Variants in RALGDS observed in about 807,000 individuals in gnomAD.
RALGDS encodes the protein ral guanine nucleotide exchange factor.
A neutral mutation model predicts 99.8 loss-of-function variants in RALGDS; 44 were observed. That is an observed-to-expected ratio of 0.44 (90% CI 0.35 to 0.57). The LOEUF (loss-of-function observed/expected upper bound fraction) is 0.57, where lower values mean the gene tolerates loss of function less well. Ranked by LOEUF, RALGDS falls within the 20% of genes least tolerant of loss-of-function variation. The pLI is 0.01. For synonymous variants in RALGDS, 529 were observed against 505.0 expected, an observed-to-expected ratio of 1.05 and a Z score of -0.64; for missense variants, 1,022 against 1,203.1, an observed-to-expected ratio of 0.85 and a Z score of 2.23.
intron 1 of RALGDS, among the ~76,000 whole-genome samples, chr9:133,148,375 G>A (rs1003513065): frequency 9.2e-5 from 14 of 152,116 alleles, no homozygotes; most frequent in African/African-American, 3.4e-4. Flanking sequence ...GAGAATCCCC[G>A]CCCATCAAGC....
Position 133,120,947 on chromosome 9 carries a change from C to T in RALGDS, c.183+25G>A, listed in dbSNP as rs1027187737. 2.1e-5 allele frequency: 31 copies of T among 1,473,574 alleles called. No homozygotes were observed. The East Asian group carries it at 3.2e-4, about 15-fold the overall frequency. The allele number at this position is 1,473,574 out of a possible 1,614,324, so 91.3% of individuals were successfully genotyped here. The stretch of plus-strand genomic sequence containing the variant: ...GGTGGGGAGGCTCCGACGCACCCCC[C>T]GCCCGACCGCCCCAGCTCACCCACC... On this transcript the variant is annotated intron_variant, in intron 1 of 17. Transcript: ENST00000372050.
At chr9:133,113,228 C>T (rs909833073) in intron 1 of RALGDS, among the ~76,000 whole-genome samples, 2 of 152,280 alleles carry the variant, frequency 1.3e-5, no homozygotes, top group East Asian at 3.9e-4. Context: ...CCAGTCAGTG[C>T]CCCAGCCCAG....
In RALGDS at chr9:133,144,537, G is replaced by A. The variant is rs963046940; in HGVS notation, c.18+4426C>T. The stretch of plus-strand genomic sequence containing the variant: ...CGCAAGCTCCTCGCGACCCGAAAGC[G>A]AGACCTTTGTCTGCGGCAGCTCCGC... On this transcript the variant is annotated intron_variant, in intron 1 of 17. Transcript: ENST00000393160. This position sits in a 1 kb window ranked among gnomAD's most constrained non-coding sequence, Gnocchi z 4.5. Among the ~76,000 whole-genome samples the A allele has an allele frequency of 1.3e-5, 2 of 152,220 alleles. No homozygotes were observed. The highest frequency in any genetic ancestry group is 2.9e-5 in the Non-Finnish European group (2 of 68,034).
intron 1 of RALGDS, among the ~76,000 whole-genome samples, chr9:133,118,294 G>A (rs1228906487): frequency 2.0e-5 from 3 of 152,198 alleles, no homozygotes; most frequent in East Asian, 3.9e-4. Flanking sequence ...GGATTAAACC[G>A]AAGACCTGCA....
At chr9:133,105,805 TGCCACCGCCCGCCGCCCCA>T (rs1399908352) in intron 9 of RALGDS, 108 bp downstream of exon 9, 1 of 778,184 alleles carries the variant, frequency 1.3e-6, no homozygotes, top group Non-Finnish European at 1.9e-6. Flanking sequence ...AAGAAGCGAA[TGCCACCGCCCGCCGCCCCA>T]GCCCCCGCCC....
chr9:133,121,221 G>A lies in RALGDS; in HGVS notation c.-67C>T, dbSNP rs739405. On this transcript the variant is annotated 5_prime_UTR_variant, in exon 1 of 18. Transcript: ENST00000372050. Reference sequence around the variant, plus strand: ...GCGGGGGCGGCGGCGCGGCCCGCGCGGCTGGGCTTTGCCACCGCTGTGAGC... The same window carrying A: ...GCGGGGGCGGCGGCGCGGCCCGCGCAGCTGGGCTTTGCCACCGCTGTGAGC... The A allele has an allele frequency of 5.1e-6, 5 of 977,836 alleles. No individual in the cohort carries two copies. The Admixed American group carries it at 1.9e-4, about 37-fold the overall frequency. 60.6% of individuals were successfully genotyped at this position (977,836 alleles called of 1,614,324 possible).
intron 8 of RALGDS, among the ~76,000 whole-genome samples, chr9:133,106,221 G>A (rs538719917): frequency 3.9e-5 from 6 of 152,056 alleles, no homozygotes; most frequent in Non-Finnish European, 8.8e-5. Flanking sequence ...CCACTGAGCA[G>A]CTATTTCCAA....
At chr9:133,132,264 G>A (rs537235999), upstream of RALGDS, among the ~76,000 whole-genome samples, 2 of 152,336 alleles carry the variant, frequency 1.3e-5, no homozygotes, top group Admixed American at 1.3e-4. Context: ...CACTATTAAC[G>A]GGAGAGACGC....
intron 1 of RALGDS, among the ~76,000 whole-genome samples, chr9:133,147,180 G>C (rs1832635691): frequency 6.6e-6 from 1 of 152,008 alleles, no homozygotes; most frequent in African/African-American, 2.4e-5. Context: ...CTGCCTCCCA[G>C]CCCTGCCTGC....
At chr9:133,102,606 G>A in intron 13 of RALGDS, 35 bp from the exon 14 acceptor site, 3 of 1,609,936 alleles carry the variant, frequency 1.9e-6, no homozygotes, top group African/African-American at 1.3e-5. Context: ...GACAACCAGG[G>A]GCCATGCTCC....
chr9:133,126,993 C>T (rs1015759410), intron 1 of RALGDS, among the ~76,000 whole-genome samples: 1 of 152,222 alleles, frequency 6.6e-6, no homozygotes, highest in Non-Finnish European at 1.5e-5. Context: ...AGGCAGAAGA[C>T]CACTGGCTTG....
chr9:133,106,997 T>C, intron 7 of RALGDS, 88 bp downstream of exon 7: 1 of 1,430,242 alleles, frequency 7.0e-7, no homozygotes, highest in Admixed American at 1.7e-5. Context: ...AAGGGTAGAC[T>C]GGGGCCTGTA....
In RALGDS at chr9:133,104,391, A is replaced by C. The variant is rs539092542; in HGVS notation, c.1603-60T>G. 8 of 1,455,298 alleles carry C rather than the reference A, an allele frequency of 5.5e-6. No homozygotes were observed. In the African/African-American group the frequency reaches 7.0e-5, roughly 13 times the overall value. The allele number at this position is 1,455,298 out of a possible 1,614,324, so 90.1% of individuals were successfully genotyped here. ...ATCCCCTCAGCCCTCAGGCACCCTG[A>C]CCTGGGGTGCTGCCAGTGTGGTCGG... On this transcript the variant is annotated intron_variant, in intron 9 of 17. Transcript: ENST00000372050.
intron 16 of RALGDS, 66 bp downstream of exon 16, chr9:133,101,454 G>A (rs763610861): frequency 1.9e-4 from 297 of 1,604,928 alleles, no homozygotes; most frequent in Non-Finnish European, 2.2e-4. Flanking sequence ...CAGGGATGGT[G>A]CACTGTGTTC....
intron 1 of RALGDS, among the ~76,000 whole-genome samples, chr9:133,126,645 C>A (rs1832169293): frequency 2.0e-5 from 3 of 152,188 alleles, no homozygotes; most frequent in Non-Finnish European, 4.4e-5. Context: ...TCACTGCCAC[C>A]CCGGAGGGGC....
chr9:133,120,907 C>T, intron 1 of RALGDS, 65 bp downstream of exon 1: 8 of 1,424,802 alleles, frequency 5.6e-6, no homozygotes, highest in Non-Finnish European at 7.4e-6. Context: ...CCCCGACCTG[C>T]CCAGCTCTGC....
intron 1 of RALGDS, chr9:133,129,477 A>G: frequency 7.3e-7 from 1 of 1,377,510 alleles, no homozygotes; most frequent in East Asian, 2.8e-5. Flanking sequence ...AGGACCAGGA[A>G]TTCCCGCTTG....
At chr9:133,148,414 C>T (rs1259935635) in intron 1 of RALGDS, among the ~76,000 whole-genome samples, 1 of 152,188 alleles carries the variant, frequency 6.6e-6, no homozygotes, top group African/African-American at 2.4e-5. Context: ...CCCCCCACCC[C>T]GTGCCATGGC....
rs538200500 is a variant in RALGDS, at chr9:133,111,890, T to C, written c.294+152A>G. 8.9e-6 allele frequency: 6 copies of C among 670,446 alleles called. No individual in the cohort carries two copies. In the Admixed American group the frequency reaches 1.3e-4, roughly 15 times the overall value. The allele number at this position is 670,446 out of a possible 1,614,324, so 41.5% of individuals were successfully genotyped here. On this transcript the variant is annotated intron_variant, in intron 2 of 17. Transcript: ENST00000372050. ...ACACCCGGGGAAGGGAGGTCAAACATGAAAACCCGATTAAGCCTGGGCTGG... is the reference window on the plus strand; with the variant it reads ...ACACCCGGGGAAGGGAGGTCAAACACGAAAACCCGATTAAGCCTGGGCTGG...
Sources: gnomAD v4.1 joint callset for allele counts (sites outside exome capture counted in the v4.1 genomes callset) on GRCh38, gnomAD v4.1.1 for gene constraint, Gnocchi (gnomAD v3.1) non-coding constraint, MANE v1.5 for transcripts, NCBI Gene and HGNC (gene_info 2026-07-23, HGNC 2026-07-21) for gene names.